Variants in IFT81 observed in about 807,000 individuals in gnomAD.
The protein encoded by IFT81 is intraflagellar transport protein 81 homolog.
In IFT81, 72 loss-of-function variants were observed where a neutral mutation model predicts 102.6. The observed-to-expected ratio is 0.70, with a 90% CI of 0.58 to 0.85. IFT81 has a LOEUF of 0.85. IFT81 is among the 40% of genes least tolerant of loss of function. The probability of loss-of-function intolerance (pLI) is 0.00; values close to 1 mark genes in which losing one functional copy is unlikely to be tolerated. For missense variants in IFT81, 723 were observed against 787.3 expected, an observed-to-expected ratio of 0.92 and a Z score of 0.98; for synonymous variants, 237 against 242.7, an observed-to-expected ratio of 0.98 and a Z score of 0.22.
chr12:110,181,482 C>G (rs1028160397), intron 12 of IFT81, among the ~76,000 whole-genome samples: 1 of 152,198 alleles, frequency 6.6e-6, no homozygotes, highest in Non-Finnish European at 1.5e-5. Flanking sequence ...AGAGAGCACA[C>G]TCTGATTTCA....
chr12:110,174,277 CAAAAAAAAAAAAAAAAA>C (rs61353726), intron 11 of IFT81, among the ~76,000 whole-genome samples: 2 of 35,256 alleles, frequency 5.7e-5, no homozygotes, highest in Non-Finnish European at 1.0e-4. Flanking sequence ...GACTCCGTCT[CAAAAAAAAAAAAAAAAA>C]AAAAAAAAAA....
intron 10 of IFT81, among the ~76,000 whole-genome samples, chr12:110,152,797 A>G (rs547258729): frequency 6.6e-6 from 1 of 152,042 alleles, no homozygotes; most frequent in Non-Finnish European, 1.5e-5. Flanking sequence ...ATCTTCCTAC[A>G]GTGCCCAGTC....
chr12:110,143,538 A>T lies in IFT81; in HGVS notation c.938A>T (p.Glu313Val). ...GGCCATTCTGATCTTCTTGAACTTG[A>T]ATCTAAAGTAAGTGAGAATCATCTT... ...AMGHSDLLEL[E>V]SKINEINTEI... is the part of the protein sequence containing the mutation. Residue 313 changes from glutamate to valine, a missense_variant, in exon 9 of 19, where the codon GAA becomes GTA. Transcript: ENST00000242591. 1 of 1,543,316 alleles carries T rather than the reference A, an allele frequency of 6.5e-7. No homozygotes were observed. The highest frequency in any genetic ancestry group is 8.6e-7 in the Non-Finnish European group (1 of 1,156,940).
chr12:110,158,236 A>C lies in IFT81; in HGVS notation c.1042-4683A>C, dbSNP rs576337985. ...TAGGCTAATACAAAAATTAGCCATCACACCTGGCTAATTTTTGTATTTTTA... is the reference window on the plus strand; with the variant it reads ...TAGGCTAATACAAAAATTAGCCATCCCACCTGGCTAATTTTTGTATTTTTA... On this transcript the variant is annotated intron_variant, in intron 10 of 18. Transcript: ENST00000242591. 1.1e-4 allele frequency among the ~76,000 whole-genome samples: 17 copies of C among 151,952 alleles called. No homozygotes were observed. In the South Asian group the frequency reaches 3.1e-3, roughly 28 times the overall value.
At chr12:110,214,313 A>G (rs571828940) in intron 18 of IFT81, among the ~76,000 whole-genome samples, 1 of 152,000 alleles carries the variant, frequency 6.6e-6, no homozygotes, top group African/African-American at 2.4e-5. Context: ...TATCAAGTAT[A>G]TTTAAGCAAG....
intron 11 of IFT81, among the ~76,000 whole-genome samples, chr12:110,171,215 G>A (rs985500273): frequency 6.6e-6 from 1 of 151,702 alleles, no homozygotes; most frequent in African/African-American, 2.4e-5. Flanking sequence ...TATGCATGCA[G>A]TCTAGGTAAT....
At chr12:110,178,702 G>A (rs1479363966) in intron 11 of IFT81, among the ~76,000 whole-genome samples, 4 of 129,120 alleles carry the variant, frequency 3.1e-5, no homozygotes, top group African/African-American at 1.2e-4. Flanking sequence ...TGCAACCTCC[G>A]CCTCCCGGGT....
chr12:110,163,614 CTTTTT>C (rs895090240), intron 11 of IFT81, among the ~76,000 whole-genome samples: 1 of 126,130 alleles, frequency 7.9e-6, no homozygotes. Context: ...CAAATTTTCA[CTTTTT>C]TTTTTTTTTT....
intron 11 of IFT81, among the ~76,000 whole-genome samples, chr12:110,175,425 T>C (rs1044496298): frequency 1.4e-4 from 21 of 152,210 alleles, no homozygotes; most frequent in Non-Finnish European, 2.8e-4. Context: ...GTCTGAAGAC[T>C]AGTTTCAGTC....
intron 10 of IFT81, among the ~76,000 whole-genome samples, chr12:110,151,370 T>A (rs1233017958): frequency 6.6e-6 from 1 of 152,238 alleles, no homozygotes. Context: ...CATTCCTTTT[T>A]AATTGCTGAC....
intron 12 of IFT81, among the ~76,000 whole-genome samples, chr12:110,188,535 C>G (rs1048934461): frequency 3.3e-5 from 5 of 151,830 alleles, no homozygotes; most frequent in African/African-American, 4.8e-5. Context: ...AACTCTTCTT[C>G]CATTCTGTCT....
At chr12:110,216,629 G>A in intron 18 of IFT81, 1 of 447,082 alleles carries the variant, frequency 2.2e-6, no homozygotes, top group Admixed American at 2.4e-5. Flanking sequence ...TCCTGCCTCA[G>A]CCTTCTGAGT....
At chr12:110,127,841 T>TAACA (rs2137291582) in intron 2 of IFT81, among the ~76,000 whole-genome samples, 1 of 152,234 alleles carries the variant, frequency 6.6e-6, no homozygotes, top group East Asian at 1.9e-4. Flanking sequence ...TGGATACTTT[T>TAACA]TTTGAAGCTT....
At chr12:110,169,696 GGGATTGCA>G (rs1276833747) in intron 11 of IFT81, among the ~76,000 whole-genome samples, 1 of 151,982 alleles carries the variant, frequency 6.6e-6, no homozygotes, top group Non-Finnish European at 1.5e-5. Flanking sequence ...CCAGGTGGCT[GGGATTGCA>G]GGTGCCCACC....
rs1894014598 is a variant in IFT81, at chr12:110,129,043, A to T, written c.342A>T (p.Lys114Asn). 9 of 1,607,750 alleles carry T rather than the reference A, an allele frequency of 5.6e-6. No homozygotes were observed. Among genetic ancestry groups the T allele is most frequent in the Non-Finnish European group, 7.6e-6 (9 of 1,178,364 alleles). Residue 114 changes from lysine to asparagine, a missense_variant, in exon 4 of 19, where the codon AAA (lysine) becomes AAT (asparagine). Lys to Asn is a moderately conservative substitution (Grantham distance 94, BLOSUM62 0). Coordinates refer to ENST00000242591, the MANE Select transcript of IFT81 (RefSeq NM_014055.4). ...WLLQRTNELK[K>N]RAYLARFLIK... ...TTCAGAGGACTAATGAACTGAAGAA[A>T]AGAGCATATTTAGCTCGTTTTTTAA...
intron 18 of IFT81, among the ~76,000 whole-genome samples, chr12:110,216,168 G>C (rs1870100144): frequency 6.6e-6 from 1 of 151,708 alleles, no homozygotes; most frequent in African/African-American, 2.4e-5. Context: ...ATTAGCCTTG[G>C]TTTGGTTGTT....
In IFT81 at chr12:110,188,346, A is replaced by T. The variant is rs186179590; in HGVS notation, c.1339-2574A>T. ...GACTCCGTCTCAAAAAAAAAAAATT[A>T]AAAAAAAAAATAACCCATCTGCTGA... On this transcript the variant is annotated intron_variant, in intron 12 of 18. Transcript: ENST00000242591. 7.2e-3 allele frequency among the ~76,000 whole-genome samples: 1,041 copies of T among 143,602 alleles called. 1 individual carries two copies. Among genetic ancestry groups the T allele is most frequent in the Non-Finnish European group, 9.8e-3 (646 of 66,102 alleles). 94.2% of individuals were successfully genotyped at this position (143,602 alleles called of 152,430 possible).
chr12:110,147,323 T>G (rs550623133), intron 10 of IFT81, among the ~76,000 whole-genome samples: 1 of 152,342 alleles, frequency 6.6e-6, no homozygotes, highest in African/African-American at 2.4e-5. Context: ...GACTGTGGAA[T>G]TTATTTTTAA....
intron 12 of IFT81, among the ~76,000 whole-genome samples, chr12:110,187,092 A>G (rs919592471): frequency 6.6e-6 from 1 of 151,076 alleles, no homozygotes; most frequent in Non-Finnish European, 1.5e-5. Flanking sequence ...TGAATTCTTA[A>G]TATCAGTTAT....
Sources: allele counts gnomAD v4.1 joint callset (sites outside exome capture counted in the v4.1 genomes callset), GRCh38; gene constraint gnomAD v4.1.1; transcripts MANE v1.5; gene names NCBI Gene and HGNC (gene_info 2026-07-23, HGNC 2026-07-21).